Variants in TM7SF3 observed in about 807,000 individuals in gnomAD.
TM7SF3 encodes the protein seven span transmembrane protein.
TM7SF3 carries 60 observed loss-of-function variants against 65.5 expected under a neutral mutation model. The ratio of observed to expected loss-of-function variants is 0.92; its 90% CI spans 0.74 to 1.14. The LOEUF (loss-of-function observed/expected upper bound fraction) is 1.14, where lower values mean the gene tolerates loss of function less well. Among genes scored for constraint, TM7SF3 ranks in the 50% most tolerant of loss-of-function variants. The pLI, the probability that TM7SF3 is intolerant of heterozygous loss-of-function variation, is 0.00. For synonymous variants in TM7SF3, 264 were observed against 259.6 expected, an observed-to-expected ratio of 1.02 and a Z score of -0.16; for missense variants, 623 against 684.8, an observed-to-expected ratio of 0.91 and a Z score of 1.01.
intron 5 of TM7SF3, among the ~76,000 whole-genome samples, chr12:26,993,094 T>G (rs1473885637): frequency 6.6e-6 from 1 of 151,708 alleles, no homozygotes; most frequent in East Asian, 1.9e-4. Context: ...TTAGTGGCTG[T>G]GAGGTTTTGC....
chr12:27,002,551 C>T (rs1253796153), intron 2 of TM7SF3, among the ~76,000 whole-genome samples: 2 of 152,080 alleles, frequency 1.3e-5, no homozygotes, highest in Non-Finnish European at 2.9e-5. Flanking sequence ...AGTATAACTT[C>T]ATACAAGGTG....
chr12:27,005,381 T>C (rs1460336914), intron 1 of TM7SF3, among the ~76,000 whole-genome samples: 1 of 152,200 alleles, frequency 6.6e-6, no homozygotes, highest in Non-Finnish European at 1.5e-5. Flanking sequence ...CTCTAGTTGT[T>C]GGGCACCATG....
intron 3 of TM7SF3, among the ~76,000 whole-genome samples, chr12:26,998,368 C>T (rs1940690235): frequency 6.6e-6 from 1 of 151,966 alleles, no homozygotes; most frequent in Non-Finnish European, 1.5e-5. Context: ...AATCTAATCT[C>T]ACCCCTCCAC....
chr12:26,979,680 CAGG>C (rs1939724219), intron 9 of TM7SF3, 101 bp downstream of exon 9: 1 of 1,319,430 alleles, frequency 7.6e-7, no homozygotes, highest in South Asian at 1.4e-5. Flanking sequence ...CAGAACTCCA[CAGG>C]AGAAGCACTG....
intron 9 of TM7SF3, among the ~76,000 whole-genome samples, 175 bp from the exon 10 acceptor site, chr12:26,976,532 T>C (rs1242373652): frequency 6.6e-6 from 1 of 152,182 alleles, no homozygotes; most frequent in African/African-American, 2.4e-5. Flanking sequence ...ACAATCTTCT[T>C]TGAAGGATGT....
intron 5 of TM7SF3, among the ~76,000 whole-genome samples, chr12:26,992,352 C>T (rs1218215507): frequency 5.3e-5 from 8 of 151,954 alleles, no homozygotes; most frequent in Admixed American, 2.6e-4. Flanking sequence ...CATCTCGGCT[C>T]ACTGCAAGCT....
chr12:27,005,624 C>T (rs1941002626), intron 1 of TM7SF3, among the ~76,000 whole-genome samples: 1 of 152,132 alleles, frequency 6.6e-6, no homozygotes, highest in African/African-American at 2.4e-5. Context: ...TTCCCTTAAC[C>T]TATCACCCAG....
At chr12:26,982,544 C>T (rs946541788) in intron 7 of TM7SF3, among the ~76,000 whole-genome samples, 32 of 152,202 alleles carry the variant, frequency 2.1e-4, no homozygotes, top group African/African-American at 5.8e-4. Context: ...ATAAAATTCA[C>T]TGCATAATTG....
chr12:27,012,747 C>T (rs760825523), intron 1 of TM7SF3: 6 of 455,994 alleles, frequency 1.3e-5, no homozygotes, highest in South Asian at 9.3e-5. Context: ...TGCCTGTAAT[C>T]CCAGCACTCT....
In TM7SF3 at chr12:26,971,836, A is replaced by G. The variant is rs1360113679; in HGVS notation, c.*2129T>C. On this transcript the variant is annotated 3_prime_UTR_variant, in exon 12 of 12. Transcript: ENST00000343028. ...GTTAATTATAGACAGTAAGGATTAC[A>G]GAATAAGCAGTAAATGGTCACCTGC... The G allele has an allele frequency of 6.6e-6, 1 of 152,266 alleles. No homozygotes were observed. The highest frequency in any genetic ancestry group is 2.4e-5 in the African/African-American group (1 of 41,478). The allele number at this position is 152,266 out of a possible 1,614,324, so 9.4% of individuals were successfully genotyped here. A position where few individuals can be genotyped will look rare whatever the true frequency, so the allele number is the denominator to read the frequency against.
At chr12:26,987,687 T>C (rs1157001929) in intron 6 of TM7SF3, among the ~76,000 whole-genome samples, 1 of 152,070 alleles carries the variant, frequency 6.6e-6, no homozygotes, top group Admixed American at 6.5e-5. Context: ...GGCAACCACC[T>C]AGTAATAAAT....
rs575200827 is a variant in TM7SF3 at position 27,009,679 on chromosome 12, G to A, written c.91+4399C>T. ...CTTCCAAAGTGCTGGGATTACAGAC[G>A]GAACCACAGCACCCGACCCTGCTTT... On this transcript the variant is annotated intron_variant, in intron 1 of 11. Coordinates refer to ENST00000343028, the MANE Select transcript of TM7SF3 (RefSeq NM_016551.3). Among the ~76,000 whole-genome samples the A allele has an allele frequency of 2.6e-4, 39 of 152,178 alleles. No homozygotes were observed. The South Asian group carries it at 7.9e-3, about 31-fold the overall frequency.
intron 6 of TM7SF3, among the ~76,000 whole-genome samples, chr12:26,985,199 T>TA (rs1200594870): frequency 6.6e-6 from 1 of 152,068 alleles, no homozygotes; most frequent in East Asian, 1.9e-4. Flanking sequence ...CTTCAGTCCA[T>TA]CGGTTAAAAA....
intron 5 of TM7SF3, among the ~76,000 whole-genome samples, chr12:26,991,030 G>C (rs1940333019): frequency 6.6e-6 from 1 of 151,926 alleles, no homozygotes; most frequent in African/African-American, 2.4e-5. Context: ...GTTAGCCACA[G>C]ACTAACGCAG....
At chr12:27,000,439 C>G (rs1940782813) in intron 2 of TM7SF3, among the ~76,000 whole-genome samples, 1 of 152,068 alleles carries the variant, frequency 6.6e-6, no homozygotes. Context: ...AACTGACAAA[C>G]TATAAACTGT....
At chr12:27,001,966 A>G (rs1469595137) in intron 2 of TM7SF3, among the ~76,000 whole-genome samples, 3 of 152,122 alleles carry the variant, frequency 2.0e-5, no homozygotes, top group Non-Finnish European at 4.4e-5. Flanking sequence ...AATTAATACT[A>G]TTTATTCCTT....
At chr12:27,012,916 T>C in intron 1 of TM7SF3, 1 of 343,664 alleles carries the variant, frequency 2.9e-6, no homozygotes, top group Non-Finnish European at 5.7e-6. Context: ...GAGAATTGCT[T>C]GAACCCGGGT....
At chr12:27,012,626 C>A (rs1341858361) in intron 1 of TM7SF3, 6 of 455,898 alleles carry the variant, frequency 1.3e-5, no homozygotes, top group Non-Finnish European at 2.6e-5. Context: ...AAACCATGAG[C>A]TGTTGCCCAA....
intron 5 of TM7SF3, among the ~76,000 whole-genome samples, chr12:26,994,662 A>T (rs1940515349): frequency 6.6e-6 from 1 of 152,192 alleles, no homozygotes; most frequent in Admixed American, 6.5e-5. Flanking sequence ...CACCTGAGGG[A>T]TATAAAATGC....
Sources: allele counts gnomAD v4.1 joint callset (sites outside exome capture counted in the v4.1 genomes callset), GRCh38; gene constraint gnomAD v4.1.1; transcripts MANE v1.5; gene names NCBI Gene and HGNC (gene_info 2026-07-23, HGNC 2026-07-21).